Variants in USP3 observed in about 807,000 individuals in gnomAD.
The protein encoded by USP3 is ubiquitin carboxyl-terminal hydrolase 3.
USP3 carries 20 observed loss-of-function variants against 72.3 expected under a neutral mutation model. The ratio of observed to expected loss-of-function variants is 0.28; its 90% CI spans 0.19 to 0.40. USP3 has a LOEUF of 0.40. Among genes scored for constraint, USP3 ranks in the 10% least tolerant of loss-of-function variants. USP3 has a pLI of 1.00. For missense variants in USP3, 479 were observed against 633.9 expected (o/e 0.76, Z 2.62); for synonymous variants, 222 against 225.3 (o/e 0.99, Z 0.13).
intron 1 of USP3, among the ~76,000 whole-genome samples, chr15:63,510,465 G>A (rs12594160): frequency 2.0e-5 from 3 of 152,096 alleles, no homozygotes; most frequent in Non-Finnish European, 4.4e-5. Flanking sequence ...ACAGGTTTGT[G>A]TTCAACCAAG....
rs200245468 is a variant in USP3, at chr15:63,565,631, A to AGT, written c.761+2636_761+2637dup. 1.2e-3 allele frequency among the ~76,000 whole-genome samples: 185 copies of AGT among 152,074 alleles called. 2 individuals are homozygous for AGT. The East Asian group carries it at 0.023, about 19-fold the overall frequency. ...GATATTCTGTGTGCATATACAGACA[A>AGT]GTGTGTGTGTGTGTTTATGTCATTT... On this transcript the variant is annotated intron_variant, in intron 8 of 14. Transcript: ENST00000380324.
In USP3 at chr15:63,529,146, A is replaced by G. The variant is rs1567096999; in HGVS notation, c.92-3501A>G. The G allele has an allele frequency of 1.1e-6, 1 of 937,720 alleles. No individual in the cohort carries two copies. The allele number at this position is 937,720 out of a possible 1,614,324, so 58.1% of individuals were successfully genotyped here. On this transcript the variant is annotated intron_variant, in intron 1 of 14. Transcript: ENST00000380324. This position sits in a 1 kb window ranked among gnomAD's most constrained non-coding sequence, Gnocchi z 4.2. Reference sequence around the variant, plus strand: ...CCCAAGTAGCTGGGACTACAGATGCAATCACCACCACACTTGGCAGGTAGT... The same window carrying G: ...CCCAAGTAGCTGGGACTACAGATGCGATCACCACCACACTTGGCAGGTAGT...
At position 63,560,693 on chromosome 15, in the gene USP3, G is replaced by C. The variant is rs137994734; in HGVS notation, c.647+723G>C. ...GTCAATTTTTGGTTGATACGGAGAG[G>C]GGGGGAAGAAAACGGACAAGTGCTC... On this transcript the variant is annotated intron_variant, in intron 7 of 14. Coordinates refer to ENST00000380324, the MANE Select transcript of USP3 (RefSeq NM_006537.4). Among the ~76,000 whole-genome samples, 9 of 151,908 alleles carry C rather than the reference G, an allele frequency of 5.9e-5. No homozygotes were observed. In the South Asian group the frequency reaches 6.2e-4, roughly 11 times the overall value.
intron 1 of USP3, among the ~76,000 whole-genome samples, chr15:63,519,030 G>C (rs1305289951): frequency 1.3e-5 from 2 of 152,182 alleles, no homozygotes; most frequent in Non-Finnish European, 2.9e-5. Context: ...ATCCCAAAGT[G>C]CTGGGATTAC....
At position 63,504,611 on chromosome 15, in the gene USP3, C is replaced by A. The variant is rs1595694646; in HGVS notation, c.-129C>A. 4 of 730,426 alleles carry A rather than the reference C, an allele frequency of 5.5e-6. No individual in the cohort carries two copies. The highest frequency in any genetic ancestry group is 6.5e-5 in the Admixed American group (2 of 30,698). 45.2% of individuals were successfully genotyped at this position (730,426 alleles called of 1,614,324 possible). A position where few individuals can be genotyped will look rare whatever the true frequency, so the allele number is the denominator to read the frequency against. On this transcript the variant is annotated 5_prime_UTR_variant, in exon 1 of 15. Coordinates refer to ENST00000380324, the MANE Select transcript of USP3 (RefSeq NM_006537.4). ...GCCCGTGCTTTCTTTGACGCAAGGG[C>A]TCGAGACGCAGCCGCCGTCGGCCGA...
intron 2 of USP3, among the ~76,000 whole-genome samples, chr15:63,534,908 TTTTATTTGTTTATTTA>T (rs1256058291): frequency 3.6e-5 from 4 of 112,590 alleles, no homozygotes; most frequent in Non-Finnish European, 4.4e-5. Flanking sequence ...AGAGTTTGCC[TTTTATTTGTTTATTTA>T]TTTATTTATT....
intron 6 of USP3, among the ~76,000 whole-genome samples, chr15:63,558,641 G>C (rs1269391380): frequency 6.6e-6 from 1 of 152,154 alleles, no homozygotes; most frequent in East Asian, 1.9e-4. Flanking sequence ...TTGGGAGGCT[G>C]AGGCGGGCAG....
At chr15:63,581,877 G>T (rs1566917733) in intron 11 of USP3, among the ~76,000 whole-genome samples, 2 of 150,524 alleles carry the variant, frequency 1.3e-5, no homozygotes, top group Non-Finnish European at 3.0e-5. Context: ...TAGACACAGG[G>T]TTTCACCCTT....
At position 63,504,905 on chromosome 15, in the gene USP3, C is replaced by T. The variant is rs7166025; in HGVS notation, c.91+75C>T. Reference sequence around the variant, plus strand: ...TGCCGGGCCTGCCGTCTAGGGGCCGCAGGCGGCCGGCGCGCGGACTCGGGG... The same window carrying T: ...TGCCGGGCCTGCCGTCTAGGGGCCGTAGGCGGCCGGCGCGCGGACTCGGGG... On this transcript the variant is annotated intron_variant, in intron 1 of 14. Coordinates refer to ENST00000380324, the MANE Select transcript of USP3 (RefSeq NM_006537.4). 6,267 of 1,189,618 alleles carry T rather than the reference C, an allele frequency of 5.3e-3. 221 individuals are homozygous for T. The African/African-American group carries it at 0.078, about 15-fold the overall frequency. 73.7% of individuals were successfully genotyped at this position (1,189,618 alleles called of 1,614,324 possible).
chr15:63,508,339 G>A (rs1040467523), intron 1 of USP3, among the ~76,000 whole-genome samples: 5 of 152,120 alleles, frequency 3.3e-5, no homozygotes. Flanking sequence ...GAGACCTGAG[G>A]TTTTTGAAAT....
At position 63,544,007 on chromosome 15, in the gene USP3, C is replaced by T. The variant is rs558935931; in HGVS notation, c.284+6851C>T. Among the ~76,000 whole-genome samples, 5 of 147,002 alleles carry T rather than the reference C, an allele frequency of 3.4e-5. No homozygotes were observed. The highest frequency in any genetic ancestry group is 2.0e-4 in the Admixed American group (3 of 14,684). ...GGAGGATCTCTTGAGCCCAGGAGTT[C>T]GAGACCAGCCTGGGCAACACAGGGA... On this transcript the variant is annotated intron_variant, in intron 3 of 14. Transcript: ENST00000380324. The surrounding 1 kb of genome is among the most constrained non-coding windows in gnomAD (Gnocchi z 4.2).
intron 1 of USP3, among the ~76,000 whole-genome samples, chr15:63,511,983 G>T: frequency 1.5e-5 from 2 of 130,710 alleles, no homozygotes; most frequent in African/African-American, 2.9e-5. Flanking sequence ...TTGAGATGGA[G>T]TCTCACCCTG....
At chr15:63,587,289 C>T (rs117519876) in intron 11 of USP3, among the ~76,000 whole-genome samples, 8,540 of 152,006 alleles carry the variant, frequency 0.056, 286 homozygotes, top group Non-Finnish European at 0.072. Flanking sequence ...CTTGAGTACT[C>T]GAGAAAATCC....
chr15:63,532,318 A>G (rs1357513771), intron 1 of USP3, among the ~76,000 whole-genome samples: 2 of 152,236 alleles, frequency 1.3e-5, no homozygotes, highest in Non-Finnish European at 2.9e-5. Flanking sequence ...GTTTTTTAAT[A>G]GGAAAATAGA....
intron 11 of USP3, among the ~76,000 whole-genome samples, chr15:63,576,926 G>A (rs769370215): frequency 1.3e-5 from 2 of 152,110 alleles, no homozygotes; most frequent in Admixed American, 6.5e-5. Flanking sequence ...TTTATTTACT[G>A]GAGATGGAGA....
chr15:63,559,656 A>G (rs2066572047), intron 6 of USP3, among the ~76,000 whole-genome samples: 1 of 152,184 alleles, frequency 6.6e-6, no homozygotes, highest in African/African-American at 2.4e-5. Flanking sequence ...GTTTTTTTAC[A>G]AAGTCATCTG....
chr15:63,557,395 T>G lies in USP3; in HGVS notation c.450+647T>G, dbSNP rs770452424. Among the ~76,000 whole-genome samples the G allele has an allele frequency of 4.5e-4, 69 of 152,274 alleles. 1 individual carries two copies. The highest frequency in any genetic ancestry group is 6.5e-4 in the Admixed American group (10 of 15,290). ...CTCCTGCCTCAACCTCCCAAGTAGC[T>G]GGGATTACAGGCACACGCCACCACG... On this transcript the variant is annotated intron_variant, in intron 5 of 14. Transcript: ENST00000380324.
At chr15:63,584,749 A>G (rs1042382559) in intron 11 of USP3, among the ~76,000 whole-genome samples, 8 of 152,026 alleles carry the variant, frequency 5.3e-5, no homozygotes, top group Non-Finnish European at 1.0e-4. Context: ...CTCAATACAC[A>G]ATTTTTTAAT....
intron 11 of USP3, among the ~76,000 whole-genome samples, chr15:63,587,097 A>C (rs776626241): frequency 7.4e-6 from 1 of 135,500 alleles, no homozygotes; most frequent in Non-Finnish European, 1.5e-5. Flanking sequence ...TCTGCTTGCT[A>C]CCCAACTTTA....
Sources: gnomAD v4.1 joint callset for allele counts (sites outside exome capture counted in the v4.1 genomes callset) on GRCh38, gnomAD v4.1.1 for gene constraint, Gnocchi (gnomAD v3.1) non-coding constraint, MANE v1.5 for transcripts, NCBI Gene and HGNC (gene_info 2026-07-23, HGNC 2026-07-21) for gene names.